The following EYA2 variants were observed in gnomAD, a reference collection of about 807,000 sequenced individuals.
EYA2 encodes EYA transcriptional coactivator and phosphatase 2.
Under a neutral mutation model 69.2 loss-of-function variants are expected in EYA2, and 31 were observed. The ratio of observed to expected loss-of-function variants is 0.45; its 90% CI spans 0.34 to 0.60. The LOEUF (loss-of-function observed/expected upper bound fraction) is 0.60. EYA2 is among the 20% of genes least tolerant of loss of function. The pLI is 0.02. For synonymous variants in EYA2, 257 were observed against 279.4 expected, an observed-to-expected ratio of 0.92 and a Z score of 0.80; for missense variants, 622 against 701.2, an observed-to-expected ratio of 0.89 and a Z score of 1.28.
intron 1 of EYA2, among the ~76,000 whole-genome samples, chr20:46,896,752 T>C (rs1416409831): frequency 2.0e-5 from 3 of 152,374 alleles, no homozygotes; most frequent in East Asian, 3.9e-4. Flanking sequence ...TGTGGTTAGA[T>C]GCAAAAGAGC....
chr20:47,004,864 G>T (rs762575984), intron 3 of EYA2, 78 bp from the exon 4 acceptor site: 1 of 1,590,022 alleles, frequency 6.3e-7, no homozygotes, highest in South Asian at 1.1e-5. Context: ...AAAGAAAAAT[G>T]GGGGTGTTGA....
At chr20:47,143,956 G>A (rs1380755748) in intron 10 of EYA2, among the ~76,000 whole-genome samples, 1 of 152,210 alleles carries the variant, frequency 6.6e-6, no homozygotes, top group Non-Finnish European at 1.5e-5. Flanking sequence ...GAAAGAGCAA[G>A]CAACTTTCTC....
intron 5 of EYA2, among the ~76,000 whole-genome samples, chr20:47,062,670 T>C (rs1306361429): frequency 6.6e-6 from 1 of 152,150 alleles, no homozygotes; most frequent in Non-Finnish European, 1.5e-5. Flanking sequence ...GATCTCGGGT[T>C]CGTGTTACAT....
At chr20:46,909,412 T>C (rs1487922574) in intron 1 of EYA2, among the ~76,000 whole-genome samples, 2 of 152,160 alleles carry the variant, frequency 1.3e-5, no homozygotes, top group African/African-American at 2.4e-5. Context: ...GATGCCTACA[T>C]TGACAATACT....
intron 9 of EYA2, among the ~76,000 whole-genome samples, chr20:47,128,178 G>A (rs982541810): frequency 2.6e-5 from 4 of 152,164 alleles, no homozygotes; most frequent in Admixed American, 1.3e-4. Context: ...TCTGGTTCCC[G>A]CAGAGCCATT....
intron 1 of EYA2, among the ~76,000 whole-genome samples, chr20:46,937,162 A>T (rs1182950695): frequency 1.3e-5 from 2 of 152,232 alleles, no homozygotes; most frequent in Non-Finnish European, 2.9e-5. Context: ...AGAAGAAAAA[A>T]AAATCTCTGC....
chr20:47,188,090 A>G lies in EYA2; in HGVS notation c.1574A>G (p.Asp525Gly). Residue 525 changes from aspartate (D) to glycine (G), a missense_variant, in exon 16 of 16, where the codon GAC becomes GGC. Asp to Gly is a moderately conservative substitution (Grantham distance 94, BLOSUM62 -1). Coordinates refer to ENST00000327619, the MANE Select transcript of EYA2 (RefSeq NM_005244.5). ...TTCTGGCGGATATCCTGCCACGCAG[A>G]CCTGGAGGCACTGAGGCACGCCCTG... ...MPFWRISCHA[D>G]LEALRHALEL... 6.3e-7 allele frequency: 1 copy of G among 1,586,926 alleles called. No individual in the cohort carries two copies. Among genetic ancestry groups the G allele is most frequent in the Non-Finnish European group, 8.6e-7 (1 of 1,166,646 alleles).
chr20:46,946,637 G>T (rs1402924933), intron 1 of EYA2, among the ~76,000 whole-genome samples: 1 of 152,024 alleles, frequency 6.6e-6, no homozygotes, highest in Non-Finnish European at 1.5e-5. Context: ...TGGCTTTGGG[G>T]GCCTCTGCTG....
chr20:47,033,326 T>G (rs563427775), intron 5 of EYA2, among the ~76,000 whole-genome samples: 1 of 152,344 alleles, frequency 6.6e-6, no homozygotes, highest in African/African-American at 2.4e-5. Flanking sequence ...AACTTCAGGC[T>G]TTGCAGGCTA....
At chr20:47,108,336 C>G (rs1266575451) in intron 9 of EYA2, among the ~76,000 whole-genome samples, 1 of 152,106 alleles carries the variant, frequency 6.6e-6, no homozygotes, top group Non-Finnish European at 1.5e-5. Flanking sequence ...CTCTCTCTTC[C>G]TCTCTCTCCA....
Position 47,112,240 on chromosome 20 carries a change from T to G in EYA2, c.888+15072T>G, listed in dbSNP as rs538904680. 6.6e-5 allele frequency among the ~76,000 whole-genome samples: 10 copies of G among 152,204 alleles called. No homozygotes were observed. The East Asian group carries it at 9.7e-4, about 15-fold the overall frequency. ...GCAAGAAGAAAATCCACATTGCCCA[T>G]AGTGGGATCAAATAATGCCTCAAAG... On this transcript the variant is annotated intron_variant, in intron 9 of 15. Transcript: ENST00000327619.
chr20:47,111,966 C>CA (rs1276400491), intron 9 of EYA2, among the ~76,000 whole-genome samples: 9 of 151,220 alleles, frequency 6.0e-5, no homozygotes, highest in African/African-American at 1.9e-4. Flanking sequence ...CCCATCTGTA[C>CA]AAAAAAAAAT....
intron 9 of EYA2, among the ~76,000 whole-genome samples, chr20:47,111,590 TCCATTTGGAACTGGCGTG>T (rs1442774949): frequency 6.6e-6 from 1 of 152,188 alleles, no homozygotes. Flanking sequence ...TCTTTAGTCC[TCCATTTGGAACTGGCGTG>T]CCATTTGGAA....
intron 9 of EYA2, among the ~76,000 whole-genome samples, chr20:47,137,353 T>G (rs2033500633): frequency 6.6e-6 from 1 of 152,124 alleles, no homozygotes; most frequent in Non-Finnish European, 1.5e-5. Context: ...GACTGGGGGA[T>G]TTTGACAATA....
chr20:46,996,641 A>ATAT (rs1982039122), intron 2 of EYA2, among the ~76,000 whole-genome samples: 2 of 152,182 alleles, frequency 1.3e-5, no homozygotes, highest in African/African-American at 4.8e-5. Context: ...CGGGTCCATA[A>ATAT]AGACAGGGAC....
At chr20:47,058,015 G>A (rs1309562680) in intron 5 of EYA2, among the ~76,000 whole-genome samples, 2 of 152,346 alleles carry the variant, frequency 1.3e-5, no homozygotes, top group Non-Finnish European at 2.9e-5. Flanking sequence ...ATAAATGGAG[G>A]CTATTATTAC....
chr20:47,105,219 C>T (rs1416360089), intron 9 of EYA2, among the ~76,000 whole-genome samples: 2 of 152,176 alleles, frequency 1.3e-5, no homozygotes, highest in Admixed American at 6.5e-5. Context: ...TTATAATTGG[C>T]ATCTCCATTG....
At chr20:47,004,046 C>A (rs1447805924) in intron 3 of EYA2, among the ~76,000 whole-genome samples, 2 of 152,212 alleles carry the variant, frequency 1.3e-5, no homozygotes, top group Non-Finnish European at 1.5e-5. Context: ...GTATAAATAT[C>A]TTAAGTAAGG....
rs752897315 is a variant in EYA2, at chr20:47,074,231, A to G, written c.557A>G (p.Tyr186Cys). The G allele has an allele frequency of 6.2e-7, 1 of 1,613,450 alleles. No homozygotes were observed. The highest frequency in any genetic ancestry group is 8.5e-7 in the Non-Finnish European group (1 of 1,179,820). The change falls in exon 7 of 16, where the codon TAC (tyrosine) becomes TGC (cysteine). Residue 186 changes from tyrosine (Y) to cysteine (C), a missense_variant. Tyr to Cys is a radical substitution (Grantham distance 194, BLOSUM62 -2). Transcript: ENST00000327619. Reference protein sequence around the residue: ...QYYGSSYNPPYVPASSICPSP... With the variant: ...QYYGSSYNPPCVPASSICPSP... The stretch of plus-strand genomic sequence containing the variant: ...TACGGCTCATCCTACAACCCTCCCT[A>G]CGTCCCGGCCAGCAGCATCTGCCCT...
Sources: allele counts gnomAD v4.1 joint callset (sites outside exome capture counted in the v4.1 genomes callset), GRCh38; gene constraint gnomAD v4.1.1; transcripts MANE v1.5; gene names NCBI Gene and HGNC (gene_info 2026-07-23, HGNC 2026-07-21).